CALD1: variants seen among roughly 807,000 people sequenced by gnomAD.
CALD1 encodes the protein caldesmon.
A neutral mutation model predicts 99.9 loss-of-function variants in CALD1; 33 were observed. The observed-to-expected ratio is 0.33, with a 90% CI of 0.25 to 0.44. CALD1 has a LOEUF of 0.44. Among genes scored for constraint, CALD1 ranks in the 20% least tolerant of loss-of-function variants. CALD1 has a pLI of 1.00. For synonymous variants in CALD1, 310 were observed against 325.0 expected (o/e 0.95, Z 0.50); for missense variants, 861 against 962.1 (o/e 0.89, Z 1.39).
intron 3 of CALD1, among the ~76,000 whole-genome samples, chr7:134,882,754 T>C (rs1198656790): frequency 6.6e-6 from 1 of 152,224 alleles, no homozygotes; most frequent in African/African-American, 2.4e-5. Context: ...TAGCATACAA[T>C]AGAATGGAGT....
chr7:134,752,733 G>T (rs1476925501), intron 1 of CALD1, among the ~76,000 whole-genome samples: 2 of 152,132 alleles, frequency 1.3e-5, no homozygotes, highest in Non-Finnish European at 2.9e-5. Context: ...GGGCGCAGTG[G>T]CTCACACCTG....
At chr7:134,955,283 G>A (rs187130947) in intron 9 of CALD1, among the ~76,000 whole-genome samples, 366 of 152,230 alleles carry the variant, frequency 2.4e-3, no homozygotes, top group Non-Finnish European at 4.4e-3. Context: ...CCAGCTACTC[G>A]ACGCTGAGGC....
At chr7:134,749,506 C>G (rs1025777218) in intron 1 of CALD1, among the ~76,000 whole-genome samples, 5 of 152,196 alleles carry the variant, frequency 3.3e-5, no homozygotes, top group African/African-American at 1.2e-4. Flanking sequence ...GTAATCCCAG[C>G]TACTTGGGAG....
intron 3 of CALD1, among the ~76,000 whole-genome samples, chr7:134,883,602 A>G (rs541309827): frequency 1.1e-3 from 168 of 152,306 alleles, no homozygotes; most frequent in African/African-American, 4.0e-3. Flanking sequence ...AATAATGTCA[A>G]AGTAAAATAG....
intron 1 of CALD1, among the ~76,000 whole-genome samples, chr7:134,841,087 CAA>C (rs1563037242): frequency 1.3e-5 from 2 of 152,096 alleles, no homozygotes; most frequent in Admixed American, 1.3e-4. Flanking sequence ...TTCACATACA[CAA>C]TACATTTTTT....
the CALD1 span, among the ~76,000 whole-genome samples, chr7:134,711,680 ATGTGTGTGTGTGTGTG>A: frequency 7.0e-3 from 762 of 109,578 alleles, 31 homozygotes; most frequent in Admixed American, 0.042. Flanking sequence ...ATATATATAT[ATGTGTGTGTGTGTGTG>A]TGTGTGTGTG....
intron 3 of CALD1, among the ~76,000 whole-genome samples, chr7:134,922,886 AG>A (rs1563098544): frequency 6.6e-6 from 1 of 152,198 alleles, no homozygotes; most frequent in Non-Finnish European, 1.5e-5. Context: ...TCAGTGTAAA[AG>A]CCACAGCATT....
chr7:134,714,218 T>C, the CALD1 span, among the ~76,000 whole-genome samples: 35 of 152,298 alleles, frequency 2.3e-4, no homozygotes, highest in African/African-American at 7.7e-4. Flanking sequence ...CTTTCTAAAT[T>C]ATCCAAATTA....
chr7:134,835,191 T>C (rs1799383748), intron 1 of CALD1, among the ~76,000 whole-genome samples: 2 of 152,202 alleles, frequency 1.3e-5, no homozygotes, highest in Admixed American at 1.3e-4. Context: ...TGGTTTTGCT[T>C]TTGGTTGCAA....
rs139706184 is a variant in CALD1, at chr7:134,863,659, G to A, written c.-41-4034G>A. ...CATCACAGGAAATATCTATAGTGAG[G>A]GCTACATGCCCATAGAGGGAAAAAG... On this transcript the variant is annotated intron_variant, in intron 2 of 14. Transcript: ENST00000361675. Among the ~76,000 whole-genome samples, 1,257 of 152,216 alleles carry A rather than the reference G, an allele frequency of 8.3e-3. 13 individuals carry two copies. The highest frequency in any genetic ancestry group is 0.028 in the African/African-American group (1,150 of 41,526).
At chr7:134,925,727 C>A (rs1198255643) in intron 3 of CALD1, among the ~76,000 whole-genome samples, 1 of 152,186 alleles carries the variant, frequency 6.6e-6, no homozygotes, top group Non-Finnish European at 1.5e-5. Context: ...TTCCTCAACA[C>A]CTGACACGGG....
At chr7:134,955,818 A>G (rs1219149207) in intron 9 of CALD1, among the ~76,000 whole-genome samples, 3 of 152,306 alleles carry the variant, frequency 2.0e-5, no homozygotes, top group African/African-American at 7.2e-5. Context: ...ATTCAATTTT[A>G]TATAGAAGGT....
intron 2 of CALD1, among the ~76,000 whole-genome samples, chr7:134,861,948 A>C (rs1267597092): frequency 6.6e-6 from 1 of 152,198 alleles, no homozygotes; most frequent in East Asian, 1.9e-4. Context: ...ATATTGAAGA[A>C]AAGTATGCAA....
chr7:134,939,488 T>A (rs947023255), intron 6 of CALD1, among the ~76,000 whole-genome samples: 2 of 152,186 alleles, frequency 1.3e-5, no homozygotes, highest in African/African-American at 4.8e-5. Flanking sequence ...ACAGCCCCCA[T>A]TTTCAGTGTG....
chr7:134,754,462 A>G (rs1361285251), intron 1 of CALD1, among the ~76,000 whole-genome samples: 2 of 152,206 alleles, frequency 1.3e-5, no homozygotes, highest in Non-Finnish European at 2.9e-5. Context: ...AAAATAATAC[A>G]TATGCTCTAA....
At chr7:134,874,388 A>C (rs1801248940) in intron 3 of CALD1, among the ~76,000 whole-genome samples, 1 of 152,136 alleles carries the variant, frequency 6.6e-6, no homozygotes, top group Admixed American at 6.5e-5. Flanking sequence ...CATGTTGGCC[A>C]GGCTGGTCTC....
chr7:134,711,660 C>CTCTCTCTCTATATA, the CALD1 span, among the ~76,000 whole-genome samples: 17 of 78,338 alleles, frequency 2.2e-4, no homozygotes, highest in African/African-American at 1.0e-3. Flanking sequence ...CTCTCTCTCT[C>CTCTCTCTCTATATA]TATATATATA....
At chr7:134,756,130 A>G (rs1450996627) in intron 1 of CALD1, among the ~76,000 whole-genome samples, 1 of 151,820 alleles carries the variant, frequency 6.6e-6, no homozygotes, top group Non-Finnish European at 1.5e-5. Context: ...ACCTCAGGTG[A>G]TCCACCCGCC....
chr7:134,855,897 A>G (rs1457334988), intron 2 of CALD1, among the ~76,000 whole-genome samples: 1 of 152,216 alleles, frequency 6.6e-6, no homozygotes, highest in African/African-American at 2.4e-5. Context: ...CAAGCTAGGT[A>G]ACTGTCGAGT....
Sources: allele counts gnomAD v4.1 joint callset (sites outside exome capture counted in the v4.1 genomes callset), GRCh38; gene constraint gnomAD v4.1.1; transcripts MANE v1.5; gene names NCBI Gene and HGNC (gene_info 2026-07-23, HGNC 2026-07-21).